MINDY4: variants seen among roughly 807,000 people sequenced by gnomAD.
MINDY4 encodes the protein MINDY lysine 48 deubiquitinase 4.
A neutral mutation model predicts 87.0 loss-of-function variants in MINDY4; 68 were observed. The observed-to-expected ratio is 0.78, with a 90% CI of 0.64 to 0.96. The LOEUF is 0.96. Among genes scored for constraint, MINDY4 ranks in the 40% least tolerant of loss-of-function variants. The probability of loss-of-function intolerance (pLI) is 0.00; values close to 1 mark genes in which losing one functional copy is unlikely to be tolerated. For missense variants in MINDY4, 919 were observed against 928.2 expected (o/e 0.99, Z 0.13); for synonymous variants, 379 against 363.2 (o/e 1.04, Z -0.50).
intron 5 of MINDY4, among the ~76,000 whole-genome samples, chr7:30,807,118 C>G (rs1351434527): frequency 6.6e-6 from 1 of 152,208 alleles, no homozygotes; most frequent in African/African-American, 2.4e-5. Flanking sequence ...CAGATGGAAA[C>G]CGAGACCAAG....
At chr7:30,889,728 C>T (rs1250678270) in intron 17 of MINDY4, among the ~76,000 whole-genome samples, 1 of 152,136 alleles carries the variant, frequency 6.6e-6, no homozygotes, top group African/African-American at 2.4e-5. Flanking sequence ...TCTTCCACAT[C>T]CAATGGAGTA....
intron 11 of MINDY4, 104 bp downstream of exon 11, chr7:30,852,383 C>T (rs534580642): frequency 6.4e-5 from 101 of 1,569,526 alleles, no homozygotes; most frequent in African/African-American, 4.5e-4. Context: ...GCTGGCCTTC[C>T]GCAGCCCAGG....
At chr7:30,814,979 A>G (rs149541833) in intron 5 of MINDY4, among the ~76,000 whole-genome samples, 89 of 152,300 alleles carry the variant, frequency 5.8e-4, no homozygotes, top group African/African-American at 2.0e-3. Context: ...ATGCTTTGAC[A>G]TATTTAACCA....
intron 5 of MINDY4, among the ~76,000 whole-genome samples, chr7:30,826,735 T>C (rs1329605913): frequency 1.3e-5 from 2 of 152,216 alleles, no homozygotes; most frequent in Non-Finnish European, 2.9e-5. Context: ...TTACTTGCTG[T>C]GTAACCCTAG....
At chr7:30,872,428 T>C in intron 14 of MINDY4, 122 bp downstream of exon 14, 1 of 881,970 alleles carries the variant, frequency 1.1e-6, no homozygotes, top group Non-Finnish European at 1.8e-6. Context: ...CTGCCAACAC[T>C]CTTCAAGCAG....
intron 7 of MINDY4, 32 bp downstream of exon 7, chr7:30,836,796 G>A (rs914560916): frequency 1.9e-6 from 3 of 1,544,702 alleles, no homozygotes; most frequent in African/African-American, 2.7e-5. Context: ...GGTTAAATGT[G>A]TCTTGATTTG....
intron 13 of MINDY4, among the ~76,000 whole-genome samples, chr7:30,863,791 T>TC (rs1789844188): frequency 6.6e-6 from 1 of 152,250 alleles, no homozygotes; most frequent in African/African-American, 2.4e-5. Flanking sequence ...AGGTTTTTTT[T>TC]CCACTTGATT....
At chr7:30,883,245 C>A (rs891363387) in intron 17 of MINDY4, among the ~76,000 whole-genome samples, 1 of 152,178 alleles carries the variant, frequency 6.6e-6, no homozygotes, top group Non-Finnish European at 1.5e-5. Context: ...GGGGTGGGGG[C>A]TAAATGGGCA....
At chr7:30,828,614 T>G (rs557631100) in intron 5 of MINDY4, 65 bp from the exon 6 acceptor site, 1 of 1,540,450 alleles carries the variant, frequency 6.5e-7, no homozygotes, top group African/African-American at 1.4e-5. Flanking sequence ...CTCTTAACAG[T>G]CTTCTCTGCC....
At chr7:30,877,681 TTC>T (rs370632946) in intron 15 of MINDY4, among the ~76,000 whole-genome samples, 36 of 116,134 alleles carry the variant, frequency 3.1e-4, no homozygotes, top group East Asian at 2.0e-3. Flanking sequence ...CTTCTTCTTC[TTC>T]TTTTTTTTTT....
At chr7:30,888,990 G>A (rs1412751578) in intron 17 of MINDY4, among the ~76,000 whole-genome samples, 1 of 152,152 alleles carries the variant, frequency 6.6e-6, no homozygotes, top group African/African-American at 2.4e-5. Context: ...GCTCATACGA[G>A]GTACTTCAGT....
chr7:30,873,225 T>C (rs1265278855), intron 14 of MINDY4, among the ~76,000 whole-genome samples: 1 of 152,210 alleles, frequency 6.6e-6, no homozygotes, highest in Non-Finnish European at 1.5e-5. Context: ...GCTACTCTTC[T>C]GGCTGCCCGG....
chr7:30,793,380 T>A (rs1787382730), intron 5 of MINDY4, among the ~76,000 whole-genome samples: 1 of 150,936 alleles, frequency 6.6e-6, no homozygotes, highest in Non-Finnish European at 1.5e-5. Context: ...GTATGTTAAA[T>A]TTTTTTTTCT....
intron 14 of MINDY4, among the ~76,000 whole-genome samples, chr7:30,874,557 C>G (rs1790203827): frequency 6.6e-6 from 1 of 152,208 alleles, no homozygotes; most frequent in Non-Finnish European, 1.5e-5. Context: ...GAATGTTGCT[C>G]CACACGTCAC....
chr7:30,791,033 G>C, intron 4 of MINDY4, 132 bp from the exon 5 acceptor site: 1 of 930,408 alleles, frequency 1.1e-6, no homozygotes, highest in Non-Finnish European at 1.6e-6. Flanking sequence ...AAGATTTTAA[G>C]GGAAAGAGTC....
At chr7:30,874,858 A>G (rs915499410) in intron 14 of MINDY4, among the ~76,000 whole-genome samples, 4 of 152,196 alleles carry the variant, frequency 2.6e-5, no homozygotes, top group African/African-American at 9.7e-5. Flanking sequence ...GGTTGAGATA[A>G]TGGGCTCTGG....
intron 13 of MINDY4, among the ~76,000 whole-genome samples, chr7:30,867,569 C>T (rs1180038147): frequency 6.6e-6 from 1 of 152,158 alleles, no homozygotes; most frequent in African/African-American, 2.4e-5. Flanking sequence ...TTGGATTTGA[C>T]CAGGGCCCTC....
At chr7:30,854,119 G>T (rs1268357125) in intron 12 of MINDY4, among the ~76,000 whole-genome samples, 3 of 152,276 alleles carry the variant, frequency 2.0e-5, no homozygotes, top group African/African-American at 7.2e-5. Flanking sequence ...GTGGGGAGGG[G>T]CTACACACTC....
At chr7:30,870,209 G>A (rs191267992) in intron 13 of MINDY4, among the ~76,000 whole-genome samples, 1 of 152,276 alleles carries the variant, frequency 6.6e-6, no homozygotes, top group East Asian at 1.9e-4. Flanking sequence ...GCAGGCTCTC[G>A]AGCCCGCTGG....
Sources: gnomAD v4.1 joint callset for allele counts (sites outside exome capture counted in the v4.1 genomes callset) on GRCh38, gnomAD v4.1.1 for gene constraint, MANE v1.5 for transcripts, NCBI Gene and HGNC (gene_info 2026-07-23, HGNC 2026-07-21) for gene names.